The following PPHLN1 variants were observed in gnomAD, a reference collection of about 807,000 sequenced individuals.
PPHLN1 encodes the protein periphilin-1.
Under a neutral mutation model 51.3 loss-of-function variants are expected in PPHLN1, and 29 were observed. That is an observed-to-expected ratio of 0.57 (90% confidence interval 0.42 to 0.77). The LOEUF (loss-of-function observed/expected upper bound fraction) is 0.77, where lower values mean the gene tolerates loss of function less well. Among genes scored for constraint, PPHLN1 ranks in the 30% least tolerant of loss-of-function variants. The pLI, the probability that PPHLN1 is intolerant of heterozygous loss-of-function variation, is 0.00. For missense variants in PPHLN1, 436 were observed against 438.4 expected, an observed-to-expected ratio of 0.99 and a Z score of 0.05; for synonymous variants, 147 against 147.8, an observed-to-expected ratio of 0.99 and a Z score of 0.04.
At chr12:42,397,518 T>G (rs2078352805) in intron 8 of PPHLN1, among the ~76,000 whole-genome samples, 1 of 152,214 alleles carries the variant, frequency 6.6e-6, no homozygotes, top group Non-Finnish European at 1.5e-5. Flanking sequence ...CTGTTGTACT[T>G]TCTTTGCTCA....
chr12:42,356,433 G>A (rs1184762923), intron 4 of PPHLN1, among the ~76,000 whole-genome samples: 1 of 152,190 alleles, frequency 6.6e-6, no homozygotes, highest in Non-Finnish European at 1.5e-5. Context: ...AAAGCAGAAA[G>A]CAAGCTAGTC....
chr12:42,332,344 A>G (rs1458561856), intron 1 of PPHLN1, among the ~76,000 whole-genome samples: 2 of 152,224 alleles, frequency 1.3e-5, no homozygotes, highest in African/African-American at 4.8e-5. Context: ...ATTGTTTACA[A>G]TAACAGCTAA....
intron 5 of PPHLN1, among the ~76,000 whole-genome samples, chr12:42,380,857 A>G (rs1317035726): frequency 2.0e-5 from 3 of 152,216 alleles, no homozygotes; most frequent in African/African-American, 7.2e-5. Context: ...TTTGAAGCCC[A>G]CTATGCTGTG....
chr12:42,362,325 G>A (rs1409739474), intron 4 of PPHLN1, among the ~76,000 whole-genome samples: 2 of 152,140 alleles, frequency 1.3e-5, no homozygotes, highest in African/African-American at 4.8e-5. Flanking sequence ...TCTGTTGATT[G>A]TCTTTTTACT....
intron 9 of PPHLN1, among the ~76,000 whole-genome samples, chr12:42,430,816 T>C (rs1047102064): frequency 2.0e-5 from 3 of 152,190 alleles, no homozygotes; most frequent in African/African-American, 7.2e-5. Flanking sequence ...TATCTCTTTT[T>C]TTTGGAAGAT....
At chr12:42,331,617 G>T (rs1031309759) in intron 1 of PPHLN1, among the ~76,000 whole-genome samples, 1 of 152,156 alleles carries the variant, frequency 6.6e-6, no homozygotes, top group East Asian at 1.9e-4. Flanking sequence ...ATTGAATATG[G>T]CATAAGAGAA....
chr12:42,414,324 C>T (rs964127993), intron 9 of PPHLN1, among the ~76,000 whole-genome samples: 9 of 152,126 alleles, frequency 5.9e-5, no homozygotes, highest in Admixed American at 1.3e-4. Flanking sequence ...TGTGAGCCAC[C>T]GCGGCCGGCG....
chr12:42,342,590 T>A (rs2071665284), intron 2 of PPHLN1, among the ~76,000 whole-genome samples: 1 of 152,252 alleles, frequency 6.6e-6, no homozygotes, highest in Non-Finnish European at 1.5e-5. Context: ...TCAGAATTTT[T>A]AAAAGTTGTA....
chr12:42,365,705 G>T (rs1239644646), intron 4 of PPHLN1, among the ~76,000 whole-genome samples: 1 of 152,122 alleles, frequency 6.6e-6, no homozygotes, highest in Non-Finnish European at 1.5e-5. Flanking sequence ...TGATGACTTT[G>T]CGTCTTTTAT....
At chr12:42,446,138 C>T (rs1222815787), downstream of PPHLN1, 4 of 1,581,418 alleles carry the variant, frequency 2.5e-6, no homozygotes, top group Middle Eastern at 1.7e-4. Context: ...GACACAGCTT[C>T]GTCGGACGAC....
At chr12:42,414,421 C>T (rs1195014525) in intron 9 of PPHLN1, among the ~76,000 whole-genome samples, 1 of 152,192 alleles carries the variant, frequency 6.6e-6, no homozygotes, top group Non-Finnish European at 1.5e-5. Flanking sequence ...TCTTCCAATC[C>T]ATGAGCATGG....
rs1003006423 is a variant in PPHLN1 at position 42,441,808 on chromosome 12, C to G, written c.*299C>G. On this transcript the variant is annotated 3_prime_UTR_variant, in exon 10 of 10. Transcript: ENST00000358314. ...GTGTTGAGATTACAGGCGTGAGCCA[C>G]CGCTCCCTGCCCAACACATATACCA... The G allele has an allele frequency of 2.7e-6, 3 of 1,095,718 alleles. No homozygotes were observed. In the Admixed American group the frequency reaches 1.4e-4, roughly 52 times the overall value. 67.9% of individuals were successfully genotyped at this position (1,095,718 alleles called of 1,614,324 possible).
intron 9 of PPHLN1, chr12:42,431,745 T>G (rs1684302467): frequency 9.7e-7 from 1 of 1,031,664 alleles, no homozygotes; most frequent in South Asian, 1.3e-5. Context: ...TCCTGGAGTA[T>G]GCTGTAGCTT....
intron 8 of PPHLN1, among the ~76,000 whole-genome samples, chr12:42,397,750 TTTTTGAGAC>T (rs1439707948): frequency 2.0e-5 from 3 of 152,184 alleles, no homozygotes; most frequent in Non-Finnish European, 4.4e-5. Context: ...GTTTGTTTGT[TTTTTGAGAC>T]AGTGTCTGGC....
intron 7 of PPHLN1, among the ~76,000 whole-genome samples, chr12:42,390,254 G>A (rs2139122861): frequency 6.6e-6 from 1 of 152,296 alleles, no homozygotes; most frequent in South Asian, 2.1e-4. Context: ...CCAGAAGTCT[G>A]AGGGTTCTGG....
At chr12:42,329,247 G>A (rs183636830) in intron 1 of PPHLN1, among the ~76,000 whole-genome samples, 23 of 151,708 alleles carry the variant, frequency 1.5e-4, no homozygotes, top group African/African-American at 5.1e-4. Context: ...GACTACAGGC[G>A]CCCACCACCG....
chr12:42,361,174 A>G (rs1016524681), intron 4 of PPHLN1: 1 of 152,404 alleles, frequency 6.6e-6, no homozygotes, highest in African/African-American at 2.4e-5. Flanking sequence ...TTGGTGCCTT[A>G]TTAAGAAGAG....
chr12:42,407,449 A>T (rs1004453360), intron 9 of PPHLN1, among the ~76,000 whole-genome samples: 4 of 152,218 alleles, frequency 2.6e-5, no homozygotes, highest in Non-Finnish European at 5.9e-5. Flanking sequence ...ACCTAAGAGT[A>T]AAAGAGTGAC....
intron 4 of PPHLN1, among the ~76,000 whole-genome samples, chr12:42,358,188 T>C (rs960310748): frequency 9.9e-5 from 15 of 152,196 alleles, no homozygotes; most frequent in African/African-American, 3.4e-4. Flanking sequence ...GTTTGTAAAA[T>C]AACAGTTTTT....
Sources: allele counts gnomAD v4.1 joint callset (sites outside exome capture counted in the v4.1 genomes callset), GRCh38; gene constraint gnomAD v4.1.1; transcripts MANE v1.5; gene names NCBI Gene and HGNC (gene_info 2026-07-23, HGNC 2026-07-21).